THAP4: variants seen among roughly 807,000 people sequenced by gnomAD.
The protein encoded by THAP4 is peroxynitrite isomerase THAP4.
A neutral mutation model predicts 48.1 loss-of-function variants in THAP4; 18 were observed. That is an observed-to-expected ratio of 0.37 (90% confidence interval 0.26 to 0.56). The LOEUF (loss-of-function observed/expected upper bound fraction) is 0.56, where lower values mean the gene tolerates loss of function less well. THAP4 is among the 20% of genes least tolerant of loss of function. The pLI, the probability that THAP4 is intolerant of heterozygous loss-of-function variation, is 0.78. For missense variants in THAP4, 656 were observed against 774.9 expected, an observed-to-expected ratio of 0.85 and a Z score of 1.82; for synonymous variants, 345 against 324.9, an observed-to-expected ratio of 1.06 and a Z score of -0.66.
At chr2:241,624,577 G>C (rs148670645) in intron 2 of THAP4, among the ~76,000 whole-genome samples, 2 of 152,178 alleles carry the variant, frequency 1.3e-5, no homozygotes, top group African/African-American at 4.8e-5. Flanking sequence ...TGTCCCTGTG[G>C]AGTTGGGGTG....
At chr2:241,620,065 GGTGAGTGAGTCGTGA>G (rs1334551720) in intron 2 of THAP4, among the ~76,000 whole-genome samples, 2 of 83,576 alleles carry the variant, frequency 2.4e-5, no homozygotes, top group African/African-American at 4.5e-5. Flanking sequence ...GTGAGTGAGG[GGTGAGTGAGTCGTGA>G]GTGAGGGGTG....
At chr2:241,627,099 AC>A (rs2067503561) in intron 2 of THAP4, among the ~76,000 whole-genome samples, 1 of 151,682 alleles carries the variant, frequency 6.6e-6, no homozygotes, top group Non-Finnish European at 1.5e-5. Flanking sequence ...TCACCCTCTC[AC>A]CCCCTGCCCT....
chr2:241,617,763 G>A (rs35721191), intron 2 of THAP4, among the ~76,000 whole-genome samples: 2 of 152,126 alleles, frequency 1.3e-5, no homozygotes, highest in African/African-American at 4.8e-5. Context: ...ACACCACAGA[G>A]ACAGGCACAT....
At chr2:241,617,829 T>C (rs1299952417) in intron 2 of THAP4, among the ~76,000 whole-genome samples, 1 of 152,112 alleles carries the variant, frequency 6.6e-6, no homozygotes, top group East Asian at 1.9e-4. Context: ...GCATGTCCTT[T>C]TCTGTCTCCT....
In THAP4 at chr2:241,637,097, C is replaced by A. The variant is rs1321241799; in HGVS notation, c.-80G>T. 3.1e-5 allele frequency: 32 copies of A among 1,022,754 alleles called. No individual in the cohort carries two copies. The South Asian group carries it at 7.6e-4, about 24-fold the overall frequency. The allele number at this position is 1,022,754 out of a possible 1,614,324, so 63.4% of individuals were successfully genotyped here. Reference sequence around the variant, plus strand: ...CCGCGGACCGCCCCGAGGGAGGGAGCGCGGCGGCGACACGGCTCGGGACGT... The same window carrying A: ...CCGCGGACCGCCCCGAGGGAGGGAGAGCGGCGGCGACACGGCTCGGGACGT... On this transcript the variant is annotated 5_prime_UTR_variant, in exon 1 of 6. Transcript: ENST00000407315.
intron 5 of THAP4, among the ~76,000 whole-genome samples, chr2:241,585,853 C>T (rs1265907617): frequency 1.5e-5 from 2 of 134,662 alleles, no homozygotes; most frequent in African/African-American, 2.9e-5. Context: ...GTGGAGGTTG[C>T]AGTGAGCCGA....
intron 2 of THAP4, among the ~76,000 whole-genome samples, chr2:241,617,684 G>A (rs2067364607): frequency 6.6e-6 from 1 of 152,196 alleles, no homozygotes; most frequent in Admixed American, 6.5e-5. Flanking sequence ...ACTGGCCAGA[G>A]GTCTGGGCGG....
rs1200649916 is a variant in THAP4 at position 241,636,935 on chromosome 2, G to A, written c.77+6C>T. ...GCGGGGGCGTGGCGGCCCGGGGCCC[G>A]CGTACCTGTGGAAGGAGACGGCGCG... On this transcript the variant is annotated splice_donor_region_variant and intron_variant, in intron 1 of 5. Coordinates refer to ENST00000407315, the MANE Select transcript of THAP4 (RefSeq NM_015963.6). 4.8e-6 allele frequency: 6 copies of A among 1,259,676 alleles called. No individual in the cohort carries two copies. The Admixed American group carries it at 1.3e-4, about 26-fold the overall frequency. 78.0% of individuals were successfully genotyped at this position (1,259,676 alleles called of 1,614,324 possible).
chr2:241,631,106 C>G lies in THAP4; in HGVS notation c.1240+1811G>C, dbSNP rs560144092. 1.3e-5 allele frequency among the ~76,000 whole-genome samples: 2 copies of G among 152,244 alleles called. 1 individual carries two copies. Among genetic ancestry groups the G allele is most frequent in the South Asian group, 4.2e-4 (2 of 4,816 alleles). ...AGAAAAACAGTATACAATTTCAACC[C>G]AAGAATCCGAAAATCTAGATTTGAT... On this transcript the variant is annotated intron_variant, in intron 2 of 5. Coordinates refer to ENST00000407315, the MANE Select transcript of THAP4 (RefSeq NM_015963.6).
chr2:241,625,797 C>CAAAAAAAAAAAA (rs147602587), intron 2 of THAP4, among the ~76,000 whole-genome samples: 5 of 50,162 alleles, frequency 1.0e-4, no homozygotes, highest in East Asian at 7.9e-4. Flanking sequence ...GACTCCGTCT[C>CAAAAAAAAAAAA]AAAAAAAAAA....
At chr2:241,613,436 A>G (rs1407155680) in intron 2 of THAP4, among the ~76,000 whole-genome samples, 1 of 152,178 alleles carries the variant, frequency 6.6e-6, no homozygotes, top group Non-Finnish European at 1.5e-5. Context: ...AGGCTTACAA[A>G]TGAAGTAGCA....
rs1458533590 is a variant in THAP4 at position 241,601,179 on chromosome 2, G to A, written c.1614+717C>T. On this transcript the variant is annotated intron_variant, in intron 5 of 5. Transcript: ENST00000407315. The surrounding 1 kb of genome is among the most constrained non-coding windows in gnomAD (Gnocchi z 4.0). ...TGTAATCCCAGCTACCCAGGAGGCC[G>A]AGGCAGGAGAATCGCTTGAACCTGA... 6.6e-6 allele frequency among the ~76,000 whole-genome samples: 1 copy of A among 152,194 alleles called. No homozygotes were observed. Among genetic ancestry groups the A allele is most frequent in the African/African-American group, 2.4e-5 (1 of 41,440 alleles).
chr2:241,616,320 A>T lies in THAP4; in HGVS notation c.1241-9847T>A, dbSNP rs967904946. Reference sequence around the variant, plus strand: ...CTGGCAGCTTGGAAGGCGACCCGTGACATCAGTGAGAAGGGCGGGTGCAGG... The same window carrying T: ...CTGGCAGCTTGGAAGGCGACCCGTGTCATCAGTGAGAAGGGCGGGTGCAGG... On this transcript the variant is annotated intron_variant, in intron 2 of 5. Coordinates refer to ENST00000407315, the MANE Select transcript of THAP4 (RefSeq NM_015963.6). The surrounding 1 kb of genome is among the most constrained non-coding windows in gnomAD (Gnocchi z 4.6). 9.2e-5 allele frequency among the ~76,000 whole-genome samples: 14 copies of T among 152,178 alleles called. No individual in the cohort carries two copies. Among genetic ancestry groups the T allele is most frequent in the African/African-American group, 3.4e-4 (14 of 41,452 alleles).
chr2:241,633,903 A>G lies in THAP4; in HGVS notation c.254T>C (p.Phe85Ser), dbSNP rs749886268. ...CCCCCTCTTCTTCTCGGTCAGGTGGAAGATGGATGGCACGGCCGTGGGCTT... is the reference window on the plus strand; with the variant it reads ...CCCCCTCTTCTTCTCGGTCAGGTGGGAGATGGATGGCACGGCCGTGGGCTT... ...LLKPTAVPSI[F>S]HLTEKKRGAG... Residue 85 changes from phenylalanine to serine, a missense_variant, in exon 2 of 6, where the codon TTC becomes TCC. Physicochemically the swap from Phe to Ser is radical, Grantham distance 155. This residue lies in a region of THAP4 where 391 missense variants were observed against 412.4 expected (regional missense o/e 0.95). Transcript: ENST00000407315. The surrounding 1 kb of genome is among the most constrained non-coding windows in gnomAD (Gnocchi z 7.5). 1 of 1,613,978 alleles carries G rather than the reference A, an allele frequency of 6.2e-7. No homozygotes were observed. The highest frequency in any genetic ancestry group is 8.5e-7 in the Non-Finnish European group (1 of 1,179,984).
intron 2 of THAP4, among the ~76,000 whole-genome samples, chr2:241,615,825 C>T (rs951134225): frequency 2.0e-5 from 3 of 152,220 alleles, no homozygotes; most frequent in Non-Finnish European, 2.9e-5. Flanking sequence ...AGCACATCCC[C>T]GTGCCCCAAG....
intron 2 of THAP4, among the ~76,000 whole-genome samples, chr2:241,622,794 G>T (rs2067448333): frequency 6.6e-6 from 1 of 151,840 alleles, no homozygotes; most frequent in East Asian, 1.9e-4. Flanking sequence ...GTAGAGATGG[G>T]GTCTCACTAT....
At position 241,609,782 on chromosome 2, in the gene THAP4, C is replaced by CAA. The variant is rs34765458; in HGVS notation, c.1241-3311_1241-3310dup. Among the ~76,000 whole-genome samples, 242 of 143,334 alleles carry CAA rather than the reference C, an allele frequency of 1.7e-3. 3 individuals are homozygous for CAA. Among genetic ancestry groups the CAA allele is most frequent in the African/African-American group, 3.7e-3 (144 of 39,326 alleles). The allele number at this position is 143,334 out of a possible 152,430, so 94.0% of individuals were successfully genotyped here. ...AGCCTGGGCGACAGAGACGTTTTCT[C>CAA]AAAAAAAAAAAAAGAAAGAAAGAGG... On this transcript the variant is annotated intron_variant, in intron 2 of 5. Transcript: ENST00000407315.
chr2:241,591,548 A>G (rs969191376), intron 5 of THAP4, among the ~76,000 whole-genome samples: 24 of 152,196 alleles, frequency 1.6e-4, no homozygotes, highest in African/African-American at 5.6e-4. Context: ...GACCACCTGG[A>G]ACCAGAGAGA....
In THAP4 at chr2:241,624,451, T is replaced by C. The variant is rs560026746; in HGVS notation, c.1240+8466A>G. Among the ~76,000 whole-genome samples, 74 of 151,000 alleles carry C rather than the reference T, an allele frequency of 4.9e-4. 1 individual carries two copies. The highest frequency in any genetic ancestry group is 1.8e-3 in the African/African-American group (72 of 41,082). ...GCAATGAGCCGAGATCGCGCCACTGTACTCCAGCCTGGCAACACAGTGAGA... is the reference window on the plus strand; with the variant it reads ...GCAATGAGCCGAGATCGCGCCACTGCACTCCAGCCTGGCAACACAGTGAGA... On this transcript the variant is annotated intron_variant, in intron 2 of 5. Coordinates refer to ENST00000407315, the MANE Select transcript of THAP4 (RefSeq NM_015963.6).
Sources: allele counts gnomAD v4.1 joint callset (sites outside exome capture counted in the v4.1 genomes callset), GRCh38; gene constraint gnomAD v4.1.1; regional missense constraint gnomAD v4.1.1; non-coding constraint Gnocchi (gnomAD v3.1); transcripts MANE v1.5; gene names NCBI Gene and HGNC (gene_info 2026-07-23, HGNC 2026-07-21).